Variants in COQ8B observed in about 807,000 individuals in gnomAD.
COQ8B encodes the protein atypical kinase COQ8B, mitochondrial.
In COQ8B, 44 loss-of-function variants were observed where a neutral mutation model predicts 62.0. The ratio of observed to expected loss-of-function variants is 0.71; its 90% CI spans 0.56 to 0.91. The LOEUF (loss-of-function observed/expected upper bound fraction) is 0.91. Ranked by LOEUF, COQ8B falls within the 40% of genes least tolerant of loss-of-function variation. The pLI is 0.00. For missense variants in COQ8B, 649 were observed against 731.6 expected (o/e 0.89, Z 1.30); for synonymous variants, 252 against 289.9 (o/e 0.87, Z 1.33).
Position 40,705,461 on chromosome 19 carries a change from A to C in COQ8B, c.368-14T>G, listed in dbSNP as rs1371123285. 2 of 1,535,934 alleles carry C rather than the reference A, an allele frequency of 1.3e-6. No individual in the cohort carries two copies. Among genetic ancestry groups the C allele is most frequent in the Admixed American group, 2.1e-5 (1 of 47,750 alleles). On this transcript the variant is annotated splice_polypyrimidine_tract_variant and intron_variant, in intron 5 of 14. Transcript: ENST00000324464. ...CAGAACCACCCTCTGGGGAGAGAAC[A>C]ACCATTAGAATTATAACCACAAATA...
intron 1 of COQ8B, chr19:40,715,636 T>C (rs1241779396): frequency 2.0e-6 from 2 of 978,728 alleles, no homozygotes. Context: ...CTCGTGTACA[T>C]ACCCTCCCCC....
intron 12 of COQ8B, among the ~76,000 whole-genome samples, chr19:40,697,845 T>TAGAGAG (rs1370534076): frequency 1.5e-3 from 78 of 52,502 alleles, no homozygotes; most frequent in South Asian, 3.3e-3. Flanking sequence ...TATATATATA[T>TAGAGAG]ATATATAGAG....
In COQ8B at chr19:40,714,822, C is replaced by G. The variant is rs191907180; in HGVS notation, c.-3-187G>C. 306 of 1,348,260 alleles carry G rather than the reference C, an allele frequency of 2.3e-4. No individual in the cohort carries two copies. The African/African-American group carries it at 4.2e-3, about 18-fold the overall frequency. The allele number at this position is 1,348,260 out of a possible 1,614,324, so 83.5% of individuals were successfully genotyped here. On this transcript the variant is annotated intron_variant, in intron 1 of 14. Coordinates refer to ENST00000324464, the MANE Select transcript of COQ8B (RefSeq NM_024876.4). The stretch of plus-strand genomic sequence containing the variant: ...GGAACCCTTAGCTCTTCCTGCAGGC[C>G]TCCCAAAACCCACTTTCCCCCCTCT...
rs906275063 is a variant in COQ8B, at chr19:40,713,243, G to C, written c.289+824C>G. On this transcript the variant is annotated intron_variant, in intron 4 of 14. Transcript: ENST00000324464. Reference sequence around the variant, plus strand: ...CAGGCGGCCAGGTGTGGTGGCTCACGCCTGTAATCCCAGCACTTGGGAAGG... The same window carrying C: ...CAGGCGGCCAGGTGTGGTGGCTCACCCCTGTAATCCCAGCACTTGGGAAGG... 5.9e-5 allele frequency among the ~76,000 whole-genome samples: 9 copies of C among 152,204 alleles called. No individual in the cohort carries two copies. The South Asian group carries it at 1.9e-3, about 32-fold the overall frequency.
intron 4 of COQ8B, among the ~76,000 whole-genome samples, chr19:40,711,075 G>A (rs2082137425): frequency 6.8e-6 from 1 of 146,488 alleles, no homozygotes; most frequent in Non-Finnish European, 1.5e-5. Flanking sequence ...AGGTTGCGGT[G>A]AGCCGAGATC....
chr19:40,709,671 G>A (rs1176196932), intron 5 of COQ8B, among the ~76,000 whole-genome samples: 5 of 151,988 alleles, frequency 3.3e-5, no homozygotes, highest in African/African-American at 4.8e-5. Context: ...TGGTGAAACC[G>A]TCTCTACTAA....
chr19:40,715,416 A>G (rs1295083685), intron 1 of COQ8B: 5 of 985,524 alleles, frequency 5.1e-6, no homozygotes, highest in African/African-American at 3.5e-5. Flanking sequence ...TTCTGCACGA[A>G]TATCTTGCCA....
At chr19:40,704,794 G>C in intron 7 of COQ8B, 1 of 290,732 alleles carries the variant, frequency 3.4e-6, no homozygotes, top group South Asian at 7.1e-5. Context: ...TGCTCACAGT[G>C]AATCAGGGGC....
At chr19:40,715,069 C>T in intron 1 of COQ8B, 3 of 989,808 alleles carry the variant, frequency 3.0e-6, no homozygotes, top group Non-Finnish European at 3.6e-6. Flanking sequence ...CTCTCAGCCT[C>T]CGAGTCCGCA....
At chr19:40,699,944 G>T in intron 12 of COQ8B, 123 bp downstream of exon 12, 1 of 893,702 alleles carries the variant, frequency 1.1e-6, no homozygotes, top group African/African-American at 1.7e-5. Flanking sequence ...AATCCCACTT[G>T]GAAAAGGGCC....
At chr19:40,704,426 C>G (rs1043937322) in intron 7 of COQ8B, 19 of 153,670 alleles carry the variant, frequency 1.2e-4, no homozygotes, top group African/African-American at 4.1e-4. Flanking sequence ...GCTGGGATTA[C>G]AGGCATGAGC....
chr19:40,702,820 C>T lies in COQ8B; in HGVS notation c.800-127G>A, dbSNP rs570344268. ...CAGCTCCTACTCTAGGCCTGTGACCCACATCTGTCCCTCTCCTGTCTCCCA... is the reference window on the plus strand; with the variant it reads ...CAGCTCCTACTCTAGGCCTGTGACCTACATCTGTCCCTCTCCTGTCTCCCA... On this transcript the variant is annotated intron_variant, in intron 9 of 14. Coordinates refer to ENST00000324464, the MANE Select transcript of COQ8B (RefSeq NM_024876.4). 5.3e-4 allele frequency: 421 copies of T among 795,786 alleles called. 1 individual carries two copies. Among genetic ancestry groups the T allele is most frequent in the Non-Finnish European group, 3.5e-4 (171 of 482,866 alleles). 49.3% of individuals were successfully genotyped at this position (795,786 alleles called of 1,614,324 possible). A position where few individuals can be genotyped will look rare whatever the true frequency, so the allele number is the denominator to read the frequency against.
chr19:40,692,350 C>CTCCA lies in COQ8B; in HGVS notation c.1316_1319dup (p.Glu440AspfsTer18). ...AAGGCTCCCCCAGGATCATCACTGC[C>CTCCA]TCCACGTGGGCGTCGGAGAATGCCT... On this transcript the variant is annotated frameshift_variant, in exon 15 of 15. Transcript: ENST00000324464. LOFTEE classifies it low-confidence loss of function (END_TRUNC). The CTCCA allele has an allele frequency of 6.2e-7, 1 of 1,613,572 alleles. No homozygotes were observed. The highest frequency in any genetic ancestry group is 8.5e-7 in the Non-Finnish European group (1 of 1,179,834).
intron 5 of COQ8B, among the ~76,000 whole-genome samples, chr19:40,706,778 A>T (rs2082104014): frequency 6.6e-6 from 1 of 152,244 alleles, no homozygotes; most frequent in Non-Finnish European, 1.5e-5. Context: ...TCTCAGTTTT[A>T]ATTTCTAATA....
intron 12 of COQ8B, among the ~76,000 whole-genome samples, chr19:40,697,206 C>T (rs569534696): frequency 1.3e-4 from 19 of 151,906 alleles, no homozygotes; most frequent in Non-Finnish European, 2.1e-4. Context: ...CAAACTCCCA[C>T]GCTCAAGTGA....
Position 40,696,009 on chromosome 19 carries a change from A to G in COQ8B, c.1189T>C (p.Phe397Leu), listed in dbSNP as rs772185208. 1 of 1,614,060 alleles carries G rather than the reference A, an allele frequency of 6.2e-7. No homozygotes were observed. The highest frequency in any genetic ancestry group is 8.5e-7 in the Non-Finnish European group (1 of 1,180,012). Residue 397 changes from phenylalanine to leucine, a missense_variant, in exon 13 of 15, where the codon TTC becomes CTC. Coordinates refer to ENST00000324464, the MANE Select transcript of COQ8B (RefSeq NM_024876.4). ...FGASREFGTEFTDHYIEVVKA... is the reference protein window; with the variant it reads ...FGASREFGTELTDHYIEVVKA... Reference sequence around the variant, plus strand: ...CTCACCTCGATGTAATGGTCTGTGAACTCTGTCCCAAACTCCCGGCTTGCA... The same window carrying G: ...CTCACCTCGATGTAATGGTCTGTGAGCTCTGTCCCAAACTCCCGGCTTGCA...
intron 4 of COQ8B, 131 bp downstream of exon 4, chr19:40,713,936 C>G (rs540986017): frequency 1.0e-6 from 1 of 988,192 alleles, no homozygotes; most frequent in East Asian, 2.5e-5. Flanking sequence ...CCTTGCAGGC[C>G]CTTGCCTTTG....
At chr19:40,711,989 T>A (rs1822908987) in intron 4 of COQ8B, among the ~76,000 whole-genome samples, 1 of 152,014 alleles carries the variant, frequency 6.6e-6, no homozygotes, top group Admixed American at 6.6e-5. Context: ...TTTGACTGCC[T>A]CTGCAGACTG....
chr19:40,698,878 C>T (rs2082039487), intron 12 of COQ8B, among the ~76,000 whole-genome samples: 1 of 152,286 alleles, frequency 6.6e-6, no homozygotes, highest in Admixed American at 6.5e-5. Flanking sequence ...GATGTATCCA[C>T]CAACACTCAA....
Sources: gnomAD v4.1 joint callset for allele counts (sites outside exome capture counted in the v4.1 genomes callset) on GRCh38, gnomAD v4.1.1 for gene constraint, MANE v1.5 for transcripts, NCBI Gene and HGNC (gene_info 2026-07-23, HGNC 2026-07-21) for gene names.